The following IQSEC1 variants were observed in gnomAD, a reference collection of about 807,000 sequenced individuals.
The protein encoded by IQSEC1 is IQ motif and SEC7 domain-containing protein 1.
A neutral mutation model predicts 91.0 loss-of-function variants in IQSEC1; 31 were observed. The ratio of observed to expected loss-of-function variants is 0.34; its 90% CI spans 0.26 to 0.46. The LOEUF (loss-of-function observed/expected upper bound fraction) is 0.46. Ranked by LOEUF, IQSEC1 falls within the 20% of genes least tolerant of loss-of-function variation. The probability of loss-of-function intolerance (pLI) is 1.00; values close to 1 mark genes in which losing one functional copy is unlikely to be tolerated. For synonymous variants in IQSEC1, 699 were observed against 662.6 expected, an observed-to-expected ratio of 1.05 and a Z score of -0.84; for missense variants, 1,388 against 1,575.6, an observed-to-expected ratio of 0.88 and a Z score of 2.02.
At chr3:13,043,300 C>T (rs1293599660) in intron 1 of IQSEC1, among the ~76,000 whole-genome samples, 1 of 152,176 alleles carries the variant, frequency 6.6e-6, no homozygotes, top group African/African-American at 2.4e-5. Context: ...CCACCCTCAC[C>T]TCTCCCCTTG....
chr3:13,239,958 G>A (rs957190653), intron 1 of IQSEC1, among the ~76,000 whole-genome samples: 3 of 152,162 alleles, frequency 2.0e-5, no homozygotes, highest in Non-Finnish European at 4.4e-5. Flanking sequence ...TGATGGTGAC[G>A]GCTGCAGAAC....
At chr3:13,257,290 C>G (rs573387284) in intron 1 of IQSEC1, among the ~76,000 whole-genome samples, 2 of 152,294 alleles carry the variant, frequency 1.3e-5, no homozygotes, top group African/African-American at 4.8e-5. Context: ...TTCCCCAGTG[C>G]ATGCATATGA....
At chr3:13,124,541 C>A (rs1021040548) in intron 2 of IQSEC1, among the ~76,000 whole-genome samples, 1 of 152,168 alleles carries the variant, frequency 6.6e-6, no homozygotes, top group African/African-American at 2.4e-5. Flanking sequence ...AGCTGTTCAT[C>A]CGTGATGTGG....
At chr3:13,077,435 T>C (rs143561167), upstream of IQSEC1, among the ~76,000 whole-genome samples, 121 of 152,386 alleles carry the variant, frequency 7.9e-4, 2 homozygotes, top group African/African-American at 2.7e-3. Flanking sequence ...TAAACACTTG[T>C]GCACGTTTTT....
chr3:13,250,613 T>C (rs1281343627), intron 1 of IQSEC1, among the ~76,000 whole-genome samples: 2 of 90,758 alleles, frequency 2.2e-5, no homozygotes, highest in Non-Finnish European at 3.9e-5. Context: ...ATTTATTTTA[T>C]TTTATTTTAT....
intron 1 of IQSEC1, among the ~76,000 whole-genome samples, chr3:13,168,400 A>G (rs139898186): frequency 6.6e-6 from 1 of 152,108 alleles, no homozygotes; most frequent in East Asian, 1.9e-4. Flanking sequence ...TGGAAATGAC[A>G]GTTTACATCA....
chr3:13,198,942 C>T (rs868788446), intron 1 of IQSEC1, among the ~76,000 whole-genome samples: 13 of 152,334 alleles, frequency 8.5e-5, no homozygotes, highest in African/African-American at 2.6e-4. Flanking sequence ...CCAGAGTGAC[C>T]ATGGCTGGGC....
At chr3:13,134,379 A>G (rs892982167) in intron 2 of IQSEC1, among the ~76,000 whole-genome samples, 1 of 152,204 alleles carries the variant, frequency 6.6e-6, no homozygotes, top group African/African-American at 2.4e-5. Context: ...TGAAAGGAGC[A>G]TGGGGTGGTA....
At chr3:13,138,419 T>C (rs1181298300) in intron 2 of IQSEC1, among the ~76,000 whole-genome samples, 2 of 151,832 alleles carry the variant, frequency 1.3e-5, no homozygotes, top group South Asian at 4.2e-4. Flanking sequence ...TGATGCCCCA[T>C]GTGGAGCCTC....
chr3:12,905,410 A>G (rs749287134), intron 12 of IQSEC1, among the ~76,000 whole-genome samples: 1 of 152,162 alleles, frequency 6.6e-6, no homozygotes, highest in Non-Finnish European at 1.5e-5. Context: ...GTCAGTGACC[A>G]TAACAGAAAT....
chr3:13,230,352 C>CAG (rs1208928118), intron 1 of IQSEC1, among the ~76,000 whole-genome samples: 1 of 152,182 alleles, frequency 6.6e-6, no homozygotes, highest in African/African-American at 2.4e-5. Flanking sequence ...CAGGAATGAG[C>CAG]AGTGGCATTG....
At position 12,924,621 on chromosome 3, in the gene IQSEC1, G is replaced by A. The variant is rs1696950957; in HGVS notation, c.1690C>T (p.Leu564=). The A allele has an allele frequency of 2.5e-6, 4 of 1,610,460 alleles. No individual in the cohort carries two copies. The highest frequency in any genetic ancestry group is 3.4e-6 in the Non-Finnish European group (4 of 1,177,976). Residue 564 remains leucine (L), a synonymous_variant, in exon 4 of 14, where the codon CTG becomes TTG. Transcript: ENST00000613206. This position sits in a 1 kb window ranked among gnomAD's most constrained non-coding sequence, Gnocchi z 6.3. ...TTGAACTGCTTCTGCCGGTTGCCCA[G>A]GAACTCGCCGATCATCTGCCGGCTG... ...GLSRQMIGEF[L]GNRQKQFNRD...
chr3:13,163,582 C>T (rs1264112582), intron 2 of IQSEC1, among the ~76,000 whole-genome samples: 1 of 152,136 alleles, frequency 6.6e-6, no homozygotes, highest in East Asian at 1.9e-4. Flanking sequence ...GAGCCTCTGG[C>T]AGAAAGCCCA....
rs189239744 is a variant in IQSEC1, at chr3:12,939,312, G to A, written c.318+2259C>T. Among the ~76,000 whole-genome samples the A allele has an allele frequency of 1.9e-3, 290 of 152,310 alleles. 1 individual carries two copies. The highest frequency in any genetic ancestry group is 5.6e-3 in the African/African-American group (233 of 41,576). On this transcript the variant is annotated intron_variant, in intron 2 of 13. Coordinates refer to ENST00000613206, the MANE Select transcript of IQSEC1 (RefSeq NM_001134382.3). ...TCTGAGCAGTACAGAAGAGGAACCC[G>A]GAAGAATGCCCTTCAGCAAAGCAGA... is the stretch of plus-strand genomic sequence containing the variant.
At position 13,160,612 on chromosome 3, in the gene IQSEC1, T is replaced by A. The variant is rs1375867191; in HGVS notation, c.302+3492A>T. 5.9e-5 allele frequency among the ~76,000 whole-genome samples: 9 copies of A among 152,042 alleles called. No individual in the cohort carries two copies. In the East Asian group the frequency reaches 1.7e-3, roughly 29 times the overall value. Reference sequence around the variant, plus strand: ...TAGTGAGTGTTTGGTAAGGGGAGGGTGTTGCGGGGGCAGTCTCCACTGAGC... The same window carrying A: ...TAGTGAGTGTTTGGTAAGGGGAGGGAGTTGCGGGGGCAGTCTCCACTGAGC... On this transcript the variant is annotated intron_variant, in intron 2 of 15. Coordinates refer to the IQSEC1 transcript ENST00000648114.
At chr3:13,250,603 ATTTATTTTATTTTAT>A (rs201541847) in intron 1 of IQSEC1, among the ~76,000 whole-genome samples, 12,363 of 134,594 alleles carry the variant, frequency 0.092, 802 homozygotes, top group African/African-American at 0.2. Flanking sequence ...CACCCAGATA[ATTTATTTTATTTTAT>A]TTTATTTTAT....
chr3:12,922,199 C>G lies in IQSEC1; in HGVS notation c.1774G>C (p.Glu592Gln). 6.2e-7 allele frequency: 1 copy of G among 1,608,934 alleles called. No individual in the cohort carries two copies. Among genetic ancestry groups the G allele is most frequent in the Non-Finnish European group, 8.5e-7 (1 of 1,176,762 alleles). ...EMDFSTMELD[E>Q]ALRKFQAHIR... Reference sequence around the variant, plus strand: ...TGCGCCTGGAATTTCCTGAGGGCCTCATCCAGCTCCATGGTAGAGAAGTCC... The same window carrying G: ...TGCGCCTGGAATTTCCTGAGGGCCTGATCCAGCTCCATGGTAGAGAAGTCC... Residue 592 changes from glutamate (E) to glutamine (Q), a missense_variant, in exon 5 of 14, where the codon GAG (glutamate) becomes CAG (glutamine). Coordinates refer to ENST00000613206, the MANE Select transcript of IQSEC1 (RefSeq NM_001134382.3). This position sits in a 1 kb window ranked among gnomAD's most constrained non-coding sequence, Gnocchi z 5.1.
At chr3:13,040,995 T>C (rs887663243) in intron 1 of IQSEC1, among the ~76,000 whole-genome samples, 6 of 151,972 alleles carry the variant, frequency 3.9e-5, no homozygotes, top group Non-Finnish European at 8.8e-5. Flanking sequence ...TCAAGAGAGA[T>C]TGCATCTCGA....
chr3:13,042,625 G>A (rs943498151), intron 1 of IQSEC1, among the ~76,000 whole-genome samples: 3 of 152,232 alleles, frequency 2.0e-5, no homozygotes, highest in Non-Finnish European at 4.4e-5. Flanking sequence ...GTTAGCTGGT[G>A]CCTCCGAGGG....
Sources: allele counts gnomAD v4.1 joint callset (sites outside exome capture counted in the v4.1 genomes callset), GRCh38; gene constraint gnomAD v4.1.1; non-coding constraint Gnocchi (gnomAD v3.1); transcripts MANE v1.5; gene names NCBI Gene and HGNC (gene_info 2026-07-23, HGNC 2026-07-21).